Variants in ACSF3 observed in about 807,000 individuals in gnomAD.
ACSF3 encodes acyl-CoA synthetase family member 3.
In ACSF3, 78 loss-of-function variants were observed where a neutral mutation model predicts 53.2. That is an observed-to-expected ratio of 1.47 (90% confidence interval 1.22 to 1.77). The LOEUF is 1.77. Among genes scored for constraint, ACSF3 ranks in the 40% most tolerant of loss-of-function variants. The pLI is 0.00. For missense variants in ACSF3, 937 were observed against 771.1 expected, an observed-to-expected ratio of 1.22 and a Z score of -2.55; for synonymous variants, 414 against 333.1, an observed-to-expected ratio of 1.24 and a Z score of -2.65.
chr16:89,124,959 G>C (rs1456068793), intron 7 of ACSF3, among the ~76,000 whole-genome samples: 2 of 152,214 alleles, frequency 1.3e-5, no homozygotes, highest in Non-Finnish European at 2.9e-5. Flanking sequence ...CTTGACTGTT[G>C]TGGTTTTATA....
chr16:89,117,627 G>A (rs962494598), intron 6 of ACSF3, among the ~76,000 whole-genome samples: 4 of 151,064 alleles, frequency 2.6e-5, no homozygotes, highest in Non-Finnish European at 4.4e-5. Flanking sequence ...CCCAGGGACC[G>A]CCGTCCACAC....
In ACSF3 at chr16:89,154,202, T is replaced by C. The variant is rs1287035747; in HGVS notation, c.1726T>C (p.Ser576Pro). Residue 576 changes from serine to proline, a missense_variant, in exon 11 of 11, where the codon TCA (serine) becomes CCA (proline). Physicochemically the swap from Ser to Pro is moderately conservative, Grantham distance 74. Transcript: ENST00000614302. Reference protein sequence around the residue: ...KKALIRHFHPS With the variant: ...KKALIRHFHPP ...GGCGCTCATCAGGCACTTCCACCCC[T>C]CATGACCCGGCAGACTGGGACTGCG... The C allele has an allele frequency of 6.2e-7, 1 of 1,613,038 alleles. No homozygotes were observed. Among genetic ancestry groups the C allele is most frequent in the Non-Finnish European group, 8.5e-7 (1 of 1,179,758 alleles).
chr16:89,097,661 C>G (rs1251369140), intron 1 of ACSF3, among the ~76,000 whole-genome samples: 1 of 152,208 alleles, frequency 6.6e-6, no homozygotes, highest in East Asian at 1.9e-4. Flanking sequence ...GATCTCGTGT[C>G]TTGTGTCTGG....
At chr16:89,130,337 C>T (rs1028575329) in intron 7 of ACSF3, among the ~76,000 whole-genome samples, 1 of 152,244 alleles carries the variant, frequency 6.6e-6, no homozygotes, top group Admixed American at 6.5e-5. Flanking sequence ...TTTGGGAGGC[C>T]AAGGTGGGAG....
chr16:89,105,185 C>T (rs886410851), intron 4 of ACSF3, among the ~76,000 whole-genome samples: 2 of 152,224 alleles, frequency 1.3e-5, no homozygotes, highest in Non-Finnish European at 2.9e-5. Flanking sequence ...TCACAGACAT[C>T]TCAGCCCTGA....
chr16:89,134,459 G>A (rs1567729186), intron 8 of ACSF3, among the ~76,000 whole-genome samples: 1 of 152,202 alleles, frequency 6.6e-6, no homozygotes, highest in African/African-American at 2.4e-5. Context: ...ACACCCTGCG[G>A]GATCCGGAGG....
At chr16:89,100,620 G>C in intron 2 of ACSF3, 42 bp from the exon 3 acceptor site, 2 of 1,549,066 alleles carry the variant, frequency 1.3e-6, no homozygotes, top group East Asian at 4.5e-5. Flanking sequence ...CGTTTGGATG[G>C]GACAGTTGGG....
At chr16:89,115,138 A>G (rs1401318863) in intron 6 of ACSF3, 1 of 183,480 alleles carries the variant, frequency 5.5e-6, no homozygotes, top group African/African-American at 2.4e-5. Flanking sequence ...TGTCTAGAGT[A>G]GAAGAGAGAT....
Position 89,100,424 on chromosome 16 carries a change from G to A in ACSF3, c.-20-238G>A, listed in dbSNP as rs12445614. Among the ~76,000 whole-genome samples the A allele has an allele frequency of 0.74, 112,873 of 152,210 alleles. 42,463 individuals are homozygous for A. Among genetic ancestry groups the A allele is most frequent in the Non-Finnish European group, 0.8 (54,337 of 68,000 alleles). On this transcript the variant is annotated intron_variant, in intron 2 of 10. Coordinates refer to ENST00000614302, the MANE Select transcript of ACSF3 (RefSeq NM_001243279.3). Reference sequence around the variant, plus strand: ...ATTTCATTGTTTAGAATTTTGTGTGGTTTGGGAATCCTTAAACTCATGAAG... The same window carrying A: ...ATTTCATTGTTTAGAATTTTGTGTGATTTGGGAATCCTTAAACTCATGAAG...
rs938450513 is a variant in ACSF3 at position 89,155,350 on chromosome 16, C to T, written c.*1143C>T. The T allele has an allele frequency of 2.2e-6, 1 of 451,546 alleles. No homozygotes were observed. The highest frequency in any genetic ancestry group is 7.0e-5 in the East Asian group (1 of 14,326). The allele number at this position is 451,546 out of a possible 1,614,324, so 28.0% of individuals were successfully genotyped here. ...GGCAGGAGGCCAGCCCCATCTCAGG[C>T]TCACGTGCCTCTGACAGGAGACCAG... On this transcript the variant is annotated 3_prime_UTR_variant, in exon 11 of 11. Transcript: ENST00000614302.
chr16:89,113,914 G>T, intron 5 of ACSF3: 1 of 325,974 alleles, frequency 3.1e-6, no homozygotes. Flanking sequence ...GCCGGCTGTA[G>T]TCCCCGGATG....
intron 4 of ACSF3, among the ~76,000 whole-genome samples, chr16:89,110,933 G>A (rs1039420211): frequency 1.3e-5 from 2 of 152,134 alleles, no homozygotes; most frequent in African/African-American, 4.8e-5. Context: ...GATCACCCCC[G>A]TTGACTGTGT....
chr16:89,114,812 A>G (rs117708030), intron 6 of ACSF3: 16,365 of 404,212 alleles, frequency 0.04, 436 homozygotes, highest in Non-Finnish European at 0.057. Context: ...GCGGGGGGCC[A>G]TGCTGTTGGC....
At chr16:89,124,540 C>G (rs1447086272) in intron 7 of ACSF3, among the ~76,000 whole-genome samples, 1 of 131,304 alleles carries the variant, frequency 7.6e-6, no homozygotes, top group African/African-American at 2.8e-5. Context: ...TGTTACCCAT[C>G]TGCTCACTGT....
chr16:89,097,888 G>T (rs1403362458), intron 1 of ACSF3, among the ~76,000 whole-genome samples: 1 of 152,234 alleles, frequency 6.6e-6, no homozygotes, highest in East Asian at 1.9e-4. Context: ...CCGCGGAGCT[G>T]TGCTGAGGTT....
chr16:89,124,257 C>T (rs759255031), intron 7 of ACSF3, among the ~76,000 whole-genome samples: 4 of 152,148 alleles, frequency 2.6e-5, no homozygotes, highest in Non-Finnish European at 5.9e-5. Flanking sequence ...GAGCTCCAGG[C>T]CGGACTCCCT....
chr16:89,102,876 GC>G lies in ACSF3; in HGVS notation c.822+118del. On this transcript the variant is annotated intron_variant, in intron 4 of 10. Coordinates refer to ENST00000614302, the MANE Select transcript of ACSF3 (RefSeq NM_001243279.3). ...GCGCCTTTCGCTGGTTGGGGTCAGG[GC>G]TCTCGGCCGCGCCCTCAGACTAGGC... 3.5e-6 allele frequency: 5 copies of G among 1,422,268 alleles called. No individual in the cohort carries two copies. The South Asian group carries it at 6.0e-5, about 17-fold the overall frequency. 88.1% of individuals were successfully genotyped at this position (1,422,268 alleles called of 1,614,324 possible). A position where few individuals can be genotyped will look rare whatever the true frequency, so the allele number is the denominator to read the frequency against.
At chr16:89,127,150 A>G (rs914390604) in intron 7 of ACSF3, among the ~76,000 whole-genome samples, 1 of 152,036 alleles carries the variant, frequency 6.6e-6, no homozygotes, top group African/African-American at 2.4e-5. Context: ...TTGCATCTGT[A>G]TTCATAAGAA....
intron 10 of ACSF3, chr16:89,151,627 G>A (rs1480261776): frequency 1.0e-5 from 2 of 199,824 alleles, no homozygotes; most frequent in East Asian, 2.8e-4. Flanking sequence ...TTTTTTTTTG[G>A]ATGGAGTCTC....
Sources: allele counts gnomAD v4.1 joint callset (sites outside exome capture counted in the v4.1 genomes callset), GRCh38; gene constraint gnomAD v4.1.1; transcripts MANE v1.5; gene names NCBI Gene and HGNC (gene_info 2026-07-23, HGNC 2026-07-21).